RBFOX2: variants seen among roughly 807,000 people sequenced by gnomAD.
RBFOX2 encodes RNA binding fox-1 homolog 2.
A neutral mutation model predicts 49.1 loss-of-function variants in RBFOX2; 10 were observed. That is an observed-to-expected ratio of 0.20 (90% CI 0.13 to 0.35). The LOEUF (loss-of-function observed/expected upper bound fraction) is 0.35, where lower values mean the gene tolerates loss of function less well. RBFOX2 is among the 10% of genes least tolerant of loss of function. RBFOX2 has a pLI of 1.00. For missense variants in RBFOX2, 323 were observed against 486.9 expected (o/e 0.66, Z 3.17); for synonymous variants, 183 against 187.4 (o/e 0.98, Z 0.19).
chr22:36,013,138 G>A (rs1274401288), intron 1 of RBFOX2, among the ~76,000 whole-genome samples: 1 of 152,068 alleles, frequency 6.6e-6, no homozygotes, highest in African/African-American at 2.4e-5. Flanking sequence ...GCTGGGCATG[G>A]TGGCACATGC....
chr22:35,887,027 G>A (rs543157298), intron 1 of RBFOX2, among the ~76,000 whole-genome samples: 4 of 152,156 alleles, frequency 2.6e-5, no homozygotes, highest in East Asian at 1.9e-4. Flanking sequence ...TCCTCCAAAC[G>A]AACAATTTAA....
At chr22:35,897,944 G>C in intron 1 of RBFOX2, 1 of 767,794 alleles carries the variant, frequency 1.3e-6, no homozygotes. Context: ...TTGGACACCT[G>C]AGCAATTGCT....
chr22:35,850,698 C>T (rs1321938300), intron 1 of RBFOX2, among the ~76,000 whole-genome samples: 1 of 152,110 alleles, frequency 6.6e-6, no homozygotes, highest in Non-Finnish European at 1.5e-5. Context: ...AAAGCAGTAA[C>T]AAACATGGAC....
At chr22:35,944,097 C>T (rs1603451703) in intron 1 of RBFOX2, among the ~76,000 whole-genome samples, 1 of 152,230 alleles carries the variant, frequency 6.6e-6, no homozygotes, top group Non-Finnish European at 1.5e-5. Flanking sequence ...GATTGAACAA[C>T]TGCTTTGAGA....
chr22:35,866,880 A>C lies in RBFOX2; in HGVS notation c.-33-56876T>G, dbSNP rs188764351. ...TCACTTCTACCCTGGCCAGGCTCTA[A>C]CCAGGAGTCTCAACATCCCCATCCA... On this transcript the variant is annotated intron_variant, in intron 1 of 13. Coordinates refer to the RBFOX2 transcript ENST00000359369. Among the ~76,000 whole-genome samples, 277 of 152,306 alleles carry C rather than the reference A, an allele frequency of 1.8e-3. 8 individuals carry two copies. Among genetic ancestry groups the C allele is most frequent in the Non-Finnish European group, 6.6e-4 (45 of 68,020 alleles).
chr22:36,010,608 C>G (rs1331752458), intron 1 of RBFOX2, among the ~76,000 whole-genome samples: 1 of 152,014 alleles, frequency 6.6e-6, no homozygotes, highest in African/African-American at 2.4e-5. Context: ...AAGCCAACTC[C>G]GAAAGGCACA....
chr22:35,854,194 G>A (rs1004933688), intron 1 of RBFOX2, among the ~76,000 whole-genome samples: 3 of 151,358 alleles, frequency 2.0e-5, no homozygotes, highest in Non-Finnish European at 2.9e-5. Flanking sequence ...CCTGGGCAAC[G>A]AAAGCAAAAC....
intron 1 of RBFOX2, among the ~76,000 whole-genome samples, chr22:36,020,102 A>G (rs1166004032): frequency 6.6e-6 from 1 of 152,182 alleles, no homozygotes; most frequent in African/African-American, 2.4e-5. Flanking sequence ...ACACATCTAC[A>G]ACCACCTGAT....
chr22:35,775,841 C>CAAAAA (rs753116056), intron 4 of RBFOX2, among the ~76,000 whole-genome samples: 6,453 of 51,772 alleles, frequency 0.12, 594 homozygotes, highest in African/African-American at 0.27. Flanking sequence ...GAATCTGCCT[C>CAAAAA]AAAAAAAAAA....
intron 1 of RBFOX2, among the ~76,000 whole-genome samples, chr22:35,906,305 G>A (rs1241735545): frequency 1.3e-5 from 2 of 152,052 alleles, no homozygotes; most frequent in East Asian, 1.9e-4. Context: ...AACTTTTCAC[G>A]ATATGACCAT....
At chr22:35,991,870 TC>T in intron 1 of RBFOX2, among the ~76,000 whole-genome samples, 1 of 152,290 alleles carries the variant, frequency 6.6e-6, no homozygotes, top group South Asian at 2.1e-4. Flanking sequence ...ATACCTCTAA[TC>T]AAAAATAAAA....
upstream of RBFOX2, among the ~76,000 whole-genome samples, chr22:35,845,013 C>T (rs1417230264): frequency 1.3e-5 from 2 of 151,968 alleles, no homozygotes; most frequent in Non-Finnish European, 2.9e-5. Context: ...ACCCACATAC[C>T]AGCACTGCTA....
At chr22:36,021,730 A>C (rs1159633304) in intron 1 of RBFOX2, among the ~76,000 whole-genome samples, 1 of 152,228 alleles carries the variant, frequency 6.6e-6, no homozygotes, top group African/African-American at 2.4e-5. Context: ...CAAATTACAG[A>C]AATGCGTCCA....
intron 1 of RBFOX2, among the ~76,000 whole-genome samples, chr22:35,826,503 T>C (rs1358684636): frequency 2.6e-5 from 4 of 152,110 alleles, no homozygotes; most frequent in Non-Finnish European, 5.9e-5. Flanking sequence ...GTCACATCAA[T>C]ACAAATATGA....
At chr22:35,889,361 C>T (rs987663768) in intron 1 of RBFOX2, among the ~76,000 whole-genome samples, 1 of 152,076 alleles carries the variant, frequency 6.6e-6, no homozygotes, top group Non-Finnish European at 1.5e-5. Flanking sequence ...TCCTCTTGAA[C>T]ATCTCAAAGT....
At chr22:35,876,667 T>G (rs1263696511) in intron 1 of RBFOX2, among the ~76,000 whole-genome samples, 1 of 151,668 alleles carries the variant, frequency 6.6e-6, no homozygotes, top group Non-Finnish European at 1.5e-5. Flanking sequence ...ATTTCAGTTT[T>G]TTAGAACTCT....
intron 1 of RBFOX2, among the ~76,000 whole-genome samples, chr22:35,978,909 T>C (rs1163935854): frequency 2.6e-5 from 4 of 152,158 alleles, no homozygotes; most frequent in Non-Finnish European, 5.9e-5. Context: ...GGAGGTTAGG[T>C]ATATATCTGT....
intron 1 of RBFOX2, among the ~76,000 whole-genome samples, chr22:35,979,606 T>A (rs1407270826): frequency 6.6e-6 from 1 of 152,172 alleles, no homozygotes; most frequent in East Asian, 1.9e-4. Context: ...AGTGAAATAT[T>A]AACAACTGGG....
chr22:35,988,170 A>G (rs1232341543), intron 1 of RBFOX2, among the ~76,000 whole-genome samples: 2 of 152,232 alleles, frequency 1.3e-5, no homozygotes, highest in East Asian at 1.9e-4. Flanking sequence ...TGAAATGATT[A>G]TCTCTAGCAA....
Sources: allele counts gnomAD v4.1 joint callset (sites outside exome capture counted in the v4.1 genomes callset), GRCh38; gene constraint gnomAD v4.1.1; transcripts MANE v1.5; gene names NCBI Gene and HGNC (gene_info 2026-07-23, HGNC 2026-07-21).